Variants in PTAFR observed in about 807,000 individuals in gnomAD.
The protein encoded by PTAFR is platelet-activating factor receptor.
PTAFR carries 8 observed loss-of-function variants against 14.7 expected under a neutral mutation model. The observed-to-expected ratio is 0.54, with a 90% CI of 0.32 to 0.98. The LOEUF (loss-of-function observed/expected upper bound fraction) is 0.98. Ranked by LOEUF, PTAFR falls within the 50% of genes least tolerant of loss-of-function variation. The pLI is 0.04. For synonymous variants in PTAFR, 156 were observed against 176.5 expected, an observed-to-expected ratio of 0.88 and a Z score of 0.92; for missense variants, 337 against 451.2, an observed-to-expected ratio of 0.75 and a Z score of 2.29.
intron 1 of PTAFR, among the ~76,000 whole-genome samples, chr1:28,152,058 A>C (rs1646195844): frequency 6.6e-6 from 1 of 151,758 alleles, no homozygotes; most frequent in African/African-American, 2.4e-5. Context: ...CACCACACCT[A>C]GCTAATTTTT....
intron 1 of PTAFR, among the ~76,000 whole-genome samples, chr1:28,188,240 G>A (rs1180272474): frequency 6.6e-6 from 1 of 152,224 alleles, no homozygotes; most frequent in East Asian, 1.9e-4. Context: ...GAACCCAGGA[G>A]TTCGAGACCA....
intron 1 of PTAFR, among the ~76,000 whole-genome samples, chr1:28,173,664 A>C (rs1345919471): frequency 6.8e-6 from 1 of 146,512 alleles, no homozygotes; most frequent in Non-Finnish European, 1.5e-5. Flanking sequence ...AGAAAAAAAA[A>C]AAGAGGAGGG....
intron 1 of PTAFR, among the ~76,000 whole-genome samples, chr1:28,165,402 T>TA (rs1344126920): frequency 3.1e-5 from 1 of 32,002 alleles, no homozygotes; most frequent in South Asian, 1.3e-3. Context: ...AGACTCTGTC[T>TA]CAAAAAAAAA....
In PTAFR at chr1:28,173,060, G is replaced by A. The variant is rs372617718; in HGVS notation, c.-39+3532C>T. Among the ~76,000 whole-genome samples the A allele has an allele frequency of 4.3e-5, 5 of 116,124 alleles. No homozygotes were observed. In the East Asian group the frequency reaches 1.3e-3, roughly 30 times the overall value. 76.2% of individuals were successfully genotyped at this position (116,124 alleles called of 152,430 possible). ...CAAGGCAGGAGATGGCTTGAGGCCA[G>A]AAGTTCAAGACCAGCCTGGGAAACA... On this transcript the variant is annotated intron_variant, in intron 1 of 1. Coordinates refer to ENST00000373857, the MANE Select transcript of PTAFR (RefSeq NM_000952.5).
chr1:28,187,410 A>G (rs939297550), intron 1 of PTAFR, among the ~76,000 whole-genome samples: 1 of 152,262 alleles, frequency 6.6e-6, no homozygotes, highest in Admixed American at 6.5e-5. Flanking sequence ...CATATCCAGA[A>G]TTAAATTCCA....
chr1:28,176,700 G>A (rs17257357), upstream of PTAFR: 3,835 of 152,886 alleles, frequency 0.025, 78 homozygotes, highest in Middle Eastern at 0.061. Context: ...TGAAGAAACA[G>A]AGCGTATCAC....
In PTAFR at chr1:28,191,485, G is replaced by C. The variant is rs537284290; in HGVS notation, c.-39+2237C>G. Among the ~76,000 whole-genome samples, 3 of 152,186 alleles carry C rather than the reference G, an allele frequency of 2.0e-5. 1 individual carries two copies. The South Asian group carries it at 6.2e-4, about 31-fold the overall frequency. On this transcript the variant is annotated intron_variant, in intron 1 of 1. Coordinates refer to the PTAFR transcript ENST00000305392. ...GCAGTGGTATATGCCTGTAGTCCAA[G>C]CGTTTTGGGAGGCCAGGGTGGGTGG...
rs774875738 is a variant in PTAFR, at chr1:28,150,444, A to G, written c.578T>C (p.Phe193Ser). The G allele has an allele frequency of 4.3e-5, 70 of 1,614,068 alleles. No homozygotes were observed. The highest frequency in any genetic ancestry group is 5.8e-5 in the Non-Finnish European group (68 of 1,180,024). The change falls in exon 2 of 2, where the codon TTC becomes TCC. Residue 193 changes from phenylalanine (F) to serine (S), a missense_variant. Physicochemically the swap from Phe to Ser is radical, Grantham distance 155. Transcript: ENST00000373857. This position sits in a 1 kb window ranked among gnomAD's most constrained non-coding sequence, Gnocchi z 6.3. ...GATGAGGAAGACCAGGAAGAAGCTG[A>G]ACACGATGAAGATGTGGATGATGAG... ...PVLIIHIFIV[F>S]SFFLVFLIIL...
chr1:28,160,425 G>A (rs566127892), intron 1 of PTAFR, among the ~76,000 whole-genome samples: 2 of 150,820 alleles, frequency 1.3e-5, no homozygotes, highest in Non-Finnish European at 3.0e-5. Flanking sequence ...AGGAAGACCA[G>A]GTGTGGTGGC....
At chr1:28,191,118 G>A (rs1293972496) in intron 1 of PTAFR, among the ~76,000 whole-genome samples, 1 of 152,170 alleles carries the variant, frequency 6.6e-6, no homozygotes, top group African/African-American at 2.4e-5. Flanking sequence ...AGCAAGACCT[G>A]CTCCGCTCCC....
At chr1:28,152,454 T>C (rs996845105) in intron 1 of PTAFR, among the ~76,000 whole-genome samples, 1 of 151,836 alleles carries the variant, frequency 6.6e-6, no homozygotes, top group African/African-American at 2.4e-5. Context: ...ACACAAAAAA[T>C]CAGCTGGGTG....
chr1:28,153,696 T>G (rs183786148), intron 1 of PTAFR, among the ~76,000 whole-genome samples: 1 of 151,792 alleles, frequency 6.6e-6, no homozygotes, highest in Admixed American at 6.6e-5. Flanking sequence ...GAGACCCACC[T>G]GGCCAATATG....
Position 28,150,569 on chromosome 1 carries a change from G to A in PTAFR, c.453C>T (p.Tyr151=), listed in dbSNP as rs752332470. 3.7e-6 allele frequency: 6 copies of A among 1,614,230 alleles called. No homozygotes were observed. The highest frequency in any genetic ancestry group is 2.7e-5 in the African/African-American group (2 of 75,060). The part of the protein sequence containing the change: ...IWVAIVGAAS[Y]FLILDSTNTV... The stretch of plus-strand genomic sequence containing the variant: ...TGTTGGTGGAGTCCAGGATGAGGAA[G>A]TAGGATGCAGCTCCCACAATGGCCA... The change falls in exon 2 of 2, where the codon TAC becomes TAT. Residue 151 remains tyrosine, a synonymous_variant. Coordinates refer to ENST00000373857, the MANE Select transcript of PTAFR (RefSeq NM_000952.5). This position sits in a 1 kb window ranked among gnomAD's most constrained non-coding sequence, Gnocchi z 6.3.
At chr1:28,159,171 A>G (rs1372117318) in intron 1 of PTAFR, among the ~76,000 whole-genome samples, 1 of 152,162 alleles carries the variant, frequency 6.6e-6, no homozygotes, top group East Asian at 1.9e-4. Context: ...TCATATGAGG[A>G]CATATCCCAT....
At chr1:28,173,555 G>C (rs966940689) in intron 1 of PTAFR, among the ~76,000 whole-genome samples, 2 of 151,896 alleles carry the variant, frequency 1.3e-5, no homozygotes, top group Non-Finnish European at 2.9e-5. Flanking sequence ...AGAGACTGAG[G>C]TGGGAGGACT....
At position 28,148,100 on chromosome 1, in the gene PTAFR, T is replaced by A. The variant is rs1646136436; in HGVS notation, c.*1893A>T. The A allele has an allele frequency of 6.6e-6, 1 of 152,182 alleles. No homozygotes were observed. Among genetic ancestry groups the A allele is most frequent in the South Asian group, 2.1e-4 (1 of 4,820 alleles). The allele number at this position is 152,182 out of a possible 1,614,324, so 9.4% of individuals were successfully genotyped here. ...ACACTGACTGGAAGGAAGGAAGACT[T>A]CTCTGAAGGAGCACAGAGCTCTAGA... On this transcript the variant is annotated 3_prime_UTR_variant, in exon 2 of 2. Transcript: ENST00000373857.
At chr1:28,153,382 G>A (rs1181102448) in intron 1 of PTAFR, among the ~76,000 whole-genome samples, 1 of 152,106 alleles carries the variant, frequency 6.6e-6, no homozygotes, top group African/African-American at 2.4e-5. Flanking sequence ...AGGCAGGGAG[G>A]AGGATGGGAA....
At chr1:28,156,918 T>G (rs1289118940) in intron 1 of PTAFR, among the ~76,000 whole-genome samples, 1 of 152,144 alleles carries the variant, frequency 6.6e-6, no homozygotes, top group Non-Finnish European at 1.5e-5. Context: ...GTGCTCATTC[T>G]GGGTCTTGGG....
chr1:28,189,931 G>A (rs745543792), intron 1 of PTAFR, among the ~76,000 whole-genome samples: 7 of 151,980 alleles, frequency 4.6e-5, no homozygotes, highest in Non-Finnish European at 8.8e-5. Context: ...CTCCCAAAGT[G>A]CTGGGATTAC....
Sources: allele counts gnomAD v4.1 joint callset (sites outside exome capture counted in the v4.1 genomes callset), GRCh38; gene constraint gnomAD v4.1.1; non-coding constraint Gnocchi (gnomAD v3.1); transcripts MANE v1.5; gene names NCBI Gene and HGNC (gene_info 2026-07-23, HGNC 2026-07-21).